The following SSPN variants were observed in gnomAD, a reference collection of about 807,000 sequenced individuals.
SSPN encodes K-ras oncogene-associated protein.
In SSPN, 15 loss-of-function variants were observed where a neutral mutation model predicts 19.1. That is an observed-to-expected ratio of 0.78 (90% confidence interval 0.52 to 1.21). SSPN has a LOEUF of 1.21. SSPN is among the 50% of genes most tolerant of loss of function. The pLI is 0.00. For synonymous variants in SSPN, 147 were observed against 140.3 expected (o/e 1.05, Z -0.34); for missense variants, 291 against 314.0 (o/e 0.93, Z 0.55).
intron 1 of SSPN, among the ~76,000 whole-genome samples, chr12:26,175,129 T>C (rs1300251710): frequency 6.6e-6 from 1 of 152,230 alleles, no homozygotes; most frequent in Non-Finnish European, 1.5e-5. Context: ...CCAAACTCTT[T>C]TCCGAAGTGG....
intron 1 of SSPN, chr12:26,181,266 A>G (rs1194634227): frequency 1.3e-5 from 2 of 152,150 alleles, no homozygotes; most frequent in Non-Finnish European, 2.9e-5. Flanking sequence ...GTTACTCAAT[A>G]CAGTTGGAAA....
At chr12:26,170,870 G>C (rs150166689) in intron 1 of SSPN, among the ~76,000 whole-genome samples, 10 of 152,296 alleles carry the variant, frequency 6.6e-5, no homozygotes, top group Non-Finnish European at 1.5e-4. Context: ...AAATGTAAGT[G>C]CTCATCATTT....
chr12:26,180,132 T>C (rs907741473), intron 1 of SSPN: 1 of 152,086 alleles, frequency 6.6e-6, no homozygotes, highest in Non-Finnish European at 1.5e-5. Context: ...AAGGATGGAA[T>C]TGAAAAAAGT....
At chr12:26,122,282 CGCG>C (rs909227356) in intron 1 of SSPN, 288 of 1,197,586 alleles carry the variant, frequency 2.4e-4, no homozygotes, top group East Asian at 9.2e-4. Context: ...GGCAGGGGAA[CGCG>C]GCGGCGGCGG....
At chr12:26,145,005 T>A (rs1944481629) in intron 1 of SSPN, among the ~76,000 whole-genome samples, 1 of 152,216 alleles carries the variant, frequency 6.6e-6, no homozygotes, top group African/African-American at 2.4e-5. Context: ...AGCATTGTTA[T>A]ATTACGACTT....
At chr12:26,164,176 A>G (rs943241602) in intron 1 of SSPN, among the ~76,000 whole-genome samples, 5 of 152,236 alleles carry the variant, frequency 3.3e-5, no homozygotes, top group Admixed American at 2.6e-4. Flanking sequence ...AGAATTGATC[A>G]TTCTCGAGAG....
intron 1 of SSPN, among the ~76,000 whole-genome samples, chr12:26,210,280 A>G (rs146647399): frequency 1.3e-5 from 2 of 152,244 alleles, no homozygotes; most frequent in East Asian, 3.9e-4. Context: ...AAGTCGAAAG[A>G]TGAAGACTAA....
At chr12:26,203,099 G>A (rs1480029) in intron 1 of SSPN, among the ~76,000 whole-genome samples, 66,900 of 151,916 alleles carry the variant, frequency 0.44, 15,094 homozygotes, top group Admixed American at 0.55. Flanking sequence ...AGAGCATAGG[G>A]GGAACCACCC....
chr12:26,157,821 C>T lies in SSPN; in HGVS notation c.-31+35669C>T, dbSNP rs575802328. On this transcript the variant is annotated intron_variant, in intron 1 of 2. Coordinates refer to the SSPN transcript ENST00000538142. The stretch of plus-strand genomic sequence containing the variant: ...ATGGGACAAAAATCAATGTCTTGAC[C>T]ATTATATGGCCTCTTTATGAAGAAA... Among the ~76,000 whole-genome samples the T allele has an allele frequency of 3.4e-4, 52 of 152,230 alleles. 1 individual carries two copies. In the South Asian group the frequency reaches 0.01, roughly 30 times the overall value.
rs531689463 is a variant in SSPN at position 26,220,240 on chromosome 12, C to G, written c.280-4053C>G. ...AGAAGTCTTGTTACAACATGCAAAG[C>G]TGTAGGCAAAAAAAAAAAAAAAAAA... On this transcript the variant is annotated intron_variant, in intron 1 of 2. Coordinates refer to ENST00000242729, the MANE Select transcript of SSPN (RefSeq NM_005086.5). 5.6e-4 allele frequency among the ~76,000 whole-genome samples: 51 copies of G among 91,074 alleles called. No individual in the cohort carries two copies. In the East Asian group the frequency reaches 0.017, roughly 30 times the overall value. 59.7% of individuals were successfully genotyped at this position (91,074 alleles called of 152,430 possible). A position where few individuals can be genotyped will look rare whatever the true frequency, so the allele number is the denominator to read the frequency against.
At chr12:26,227,414 T>A (rs1189251958) in intron 2 of SSPN, among the ~76,000 whole-genome samples, 1 of 152,198 alleles carries the variant, frequency 6.6e-6, no homozygotes, top group African/African-American at 2.4e-5. Context: ...AATTTATTCA[T>A]ACTCAGAGAA....
At chr12:26,125,142 C>T (rs1004105331) in intron 1 of SSPN, 2 of 295,910 alleles carry the variant, frequency 6.8e-6, no homozygotes, top group Non-Finnish European at 1.3e-5. Context: ...GGGGCCGGGC[C>T]GGGCGGGGGC....
intron 1 of SSPN, chr12:26,123,577 C>T: frequency 7.7e-7 from 1 of 1,302,870 alleles, no homozygotes; most frequent in Non-Finnish European, 1.1e-6. Context: ...CACTGCTCCC[C>T]TGTGGGCTGC....
At chr12:26,122,449 G>A (rs1217098312) in intron 1 of SSPN, 14 of 1,357,424 alleles carry the variant, frequency 1.0e-5, no homozygotes, top group African/African-American at 3.0e-5. Context: ...GCTGCAGAAG[G>A]CGAGAGGAAG....
At position 26,230,159 on chromosome 12, in the gene SSPN, T is replaced by C. The variant is rs1945215031; in HGVS notation, c.367-552T>C. ...CATAATTTATTTTCTCCCAGCAACC[T>C]CCTACTGGGGATTCTCATGTTTATG... On this transcript the variant is annotated intron_variant, in intron 2 of 2. Transcript: ENST00000242729. Among the ~76,000 whole-genome samples, 3 of 152,126 alleles carry C rather than the reference T, an allele frequency of 2.0e-5. No homozygotes were observed. The South Asian group carries it at 6.2e-4, about 32-fold the overall frequency.
intron 1 of SSPN, chr12:26,125,340 G>A (rs1944355237): frequency 4.3e-6 from 1 of 231,152 alleles, no homozygotes; most frequent in Non-Finnish European, 8.6e-6. Flanking sequence ...GCTCCAAAAT[G>A]CGACTCCCTG....
chr12:26,188,754 G>A (rs1232906547), intron 1 of SSPN, among the ~76,000 whole-genome samples: 2 of 152,158 alleles, frequency 1.3e-5, no homozygotes, highest in Non-Finnish European at 2.9e-5. Context: ...GGCACTGTAG[G>A]ACCAATGGTG....
chr12:26,166,541 G>A (rs966715668), intron 1 of SSPN, among the ~76,000 whole-genome samples: 12 of 152,212 alleles, frequency 7.9e-5, no homozygotes, highest in Admixed American at 7.9e-4. Flanking sequence ...CATCTGCCCT[G>A]TTGCCTATTT....
intron 1 of SSPN, among the ~76,000 whole-genome samples, chr12:26,223,389 T>G (rs1268549277): frequency 1.3e-5 from 2 of 152,238 alleles, no homozygotes; most frequent in African/African-American, 4.8e-5. Context: ...TTTTGTATTT[T>G]CAGTAAAGAC....
Sources: allele counts gnomAD v4.1 joint callset (sites outside exome capture counted in the v4.1 genomes callset), GRCh38; gene constraint gnomAD v4.1.1; transcripts MANE v1.5; gene names NCBI Gene and HGNC (gene_info 2026-07-23, HGNC 2026-07-21).